Variants in RASGRF2 observed in about 807,000 individuals in gnomAD.
RASGRF2 encodes the protein Ras protein specific guanine nucleotide releasing factor 2.
Under a neutral mutation model 151.0 loss-of-function variants are expected in RASGRF2, and 76 were observed. The ratio of observed to expected loss-of-function variants is 0.50; its 90% CI spans 0.42 to 0.61. RASGRF2 has a LOEUF of 0.61. Among genes scored for constraint, RASGRF2 ranks in the 20% least tolerant of loss-of-function variants. The pLI, the probability that RASGRF2 is intolerant of heterozygous loss-of-function variation, is 0.00. For missense variants in RASGRF2, 1,148 were observed against 1,564.6 expected, an observed-to-expected ratio of 0.73 and a Z score of 4.49; for synonymous variants, 504 against 566.5, an observed-to-expected ratio of 0.89 and a Z score of 1.57.
chr5:81,207,261 G>C lies in RASGRF2; in HGVS notation c.2983G>C (p.Ala995Pro), dbSNP rs1363537603. ...TCTCTTGCAGACTGACTGCATGAAG[G>C]CCGAATGCTTTGAGTCCTTGTCGGC... ...DIIQMTDCMK[A>P]ECFESLSAME... The change falls in exon 21 of 27, where the codon GCC becomes CCC. Residue 995 changes from alanine (A) to proline (P), a missense_variant. By Grantham distance (27) the Ala-to-Pro change is conservative (BLOSUM62 -1). Around this residue, in one of 5 missense-constraint regions of RASGRF2, gnomAD observed 646 missense variants for 807.4 expected, o/e 0.80. Coordinates refer to ENST00000265080, the MANE Select transcript of RASGRF2 (RefSeq NM_006909.3). The C allele has an allele frequency of 6.2e-7, 1 of 1,613,986 alleles. No homozygotes were observed. The highest frequency in any genetic ancestry group is 8.5e-7 in the Non-Finnish European group (1 of 1,180,020).
intron 17 of RASGRF2, among the ~76,000 whole-genome samples, chr5:81,132,154 T>C (rs1290096942): frequency 6.6e-6 from 1 of 152,212 alleles, no homozygotes; most frequent in Non-Finnish European, 1.5e-5. Flanking sequence ...AAATGTAAGA[T>C]CGACGAGGGC....
chr5:81,174,726 T>C (rs769799212), intron 17 of RASGRF2, among the ~76,000 whole-genome samples: 28 of 152,218 alleles, frequency 1.8e-4, no homozygotes, highest in Middle Eastern at 3.2e-3. Context: ...CTGGTCCACA[T>C]AATTGTCACA....
At chr5:81,225,597 G>A in intron 26 of RASGRF2, 81 bp from the exon 27 acceptor site, 1 of 1,481,678 alleles carries the variant, frequency 6.7e-7, no homozygotes, top group Non-Finnish European at 9.0e-7. Context: ...AGAAAATGTT[G>A]AATTGTGTTA....
chr5:81,021,700 G>T (rs147630052), intron 1 of RASGRF2, among the ~76,000 whole-genome samples: 2 of 152,240 alleles, frequency 1.3e-5, no homozygotes, highest in East Asian at 3.9e-4. Flanking sequence ...GTAATATGTG[G>T]TTCTATAACC....
chr5:81,006,258 G>T (rs1377849344), intron 1 of RASGRF2, among the ~76,000 whole-genome samples: 1 of 152,080 alleles, frequency 6.6e-6, no homozygotes, highest in Non-Finnish European at 1.5e-5. Context: ...TGTTTATTGG[G>T]CTGTAGTCAT....
intron 17 of RASGRF2, among the ~76,000 whole-genome samples, chr5:81,140,892 G>A (rs1753869161): frequency 6.6e-6 from 1 of 152,132 alleles, no homozygotes; most frequent in African/African-American, 2.4e-5. Context: ...GGGATGGAGA[G>A]GTGCTGCCAT....
rs575697359 is a variant in RASGRF2, at chr5:81,129,435, A to G, written c.2686+2272A>G. On this transcript the variant is annotated intron_variant, in intron 17 of 26. Coordinates refer to ENST00000265080, the MANE Select transcript of RASGRF2 (RefSeq NM_006909.3). ...CATTAACTACCATAGTACTTTATAT[A>G]TTATTTATCATTATATATATTTCTC... is the stretch of plus-strand genomic sequence containing the variant. Among the ~76,000 whole-genome samples, 22 of 152,240 alleles carry G rather than the reference A, an allele frequency of 1.4e-4. No individual in the cohort carries two copies. In the South Asian group the frequency reaches 4.6e-3, roughly 32 times the overall value.
chr5:81,085,911 G>C lies in RASGRF2; in HGVS notation c.1271G>C (p.Arg424Thr). 3.1e-6 allele frequency: 5 copies of C among 1,614,058 alleles called. No individual in the cohort carries two copies. Among genetic ancestry groups the C allele is most frequent in the Non-Finnish European group, 4.2e-6 (5 of 1,179,970 alleles). ...FAKSKLEELS[R>T]VMHDEVSDTE... ...AAATCAAAGCTAGAGGAACTATCCA[G>C]GTATGCCAAGAACTTATAACAAAGG... Residue 424 changes from arginine (R) to threonine (T), a missense_variant and splice_region_variant, in exon 8 of 27, where the codon AGA (arginine) becomes ACA (threonine). Physicochemically the swap from Arg to Thr is moderately conservative, Grantham distance 71. Coordinates refer to ENST00000265080, the MANE Select transcript of RASGRF2 (RefSeq NM_006909.3).
intron 1 of RASGRF2, among the ~76,000 whole-genome samples, chr5:81,019,215 G>A (rs944855497): frequency 3.3e-5 from 5 of 151,140 alleles, no homozygotes; most frequent in African/African-American, 7.3e-5. Context: ...CCACTCAATA[G>A]CATTATTCAA....
intron 12 of RASGRF2, among the ~76,000 whole-genome samples, chr5:81,102,819 G>A (rs1055986605): frequency 6.6e-6 from 1 of 152,018 alleles, no homozygotes; most frequent in Non-Finnish European, 1.5e-5. Flanking sequence ...GAAATCCCAA[G>A]CATGCTTGCA....
At chr5:81,022,929 A>G (rs750026815) in intron 1 of RASGRF2, among the ~76,000 whole-genome samples, 2 of 152,192 alleles carry the variant, frequency 1.3e-5, no homozygotes, top group Non-Finnish European at 2.9e-5. Context: ...AAAGAGTCCT[A>G]GGACAGGGCA....
At chr5:80,993,766 G>T (rs1244411155) in intron 1 of RASGRF2, among the ~76,000 whole-genome samples, 1 of 152,152 alleles carries the variant, frequency 6.6e-6, no homozygotes, top group East Asian at 1.9e-4. Context: ...ATAGAGGGTT[G>T]CAACCAATCG....
intron 26 of RASGRF2, chr5:81,223,545 A>G (rs180743705): frequency 0.032 from 4,862 of 152,312 alleles, 97 homozygotes; most frequent in South Asian, 0.065. Flanking sequence ...GGAGGCTGAG[A>G]CAGGAGGATG....
chr5:81,061,873 G>A (rs923992300), intron 2 of RASGRF2, among the ~76,000 whole-genome samples: 1 of 151,722 alleles, frequency 6.6e-6, no homozygotes, highest in African/African-American at 2.4e-5. Context: ...TTATTTTGTA[G>A]AGATGGGGTT....
At chr5:81,025,972 T>C (rs540276638) in intron 1 of RASGRF2, among the ~76,000 whole-genome samples, 2 of 149,974 alleles carry the variant, frequency 1.3e-5, no homozygotes, top group East Asian at 4.0e-4. Context: ...CCCTCCTTCC[T>C]TCCCTCTTCC....
At chr5:81,053,705 T>A (rs370858445) in intron 2 of RASGRF2, among the ~76,000 whole-genome samples, 23 of 152,194 alleles carry the variant, frequency 1.5e-4, no homozygotes, top group Admixed American at 1.5e-3. Context: ...CGCCACACTG[T>A]CTTCCACAAT....
chr5:81,192,563 T>G (rs1314992557), intron 18 of RASGRF2, among the ~76,000 whole-genome samples: 1 of 152,230 alleles, frequency 6.6e-6, no homozygotes, highest in Non-Finnish European at 1.5e-5. Flanking sequence ...CCAGCGGTGG[T>G]GGCCGGTGAG....
rs1248960740 is a variant in RASGRF2, at chr5:81,227,767, G to C, written c.*1997G>C. ...AGAGGACCACACACATACTAGTTTC[G>C]GGCCAAACAACACGTGGAAAGGTGC... On this transcript the variant is annotated 3_prime_UTR_variant, in exon 27 of 27. Coordinates refer to ENST00000265080, the MANE Select transcript of RASGRF2 (RefSeq NM_006909.3). 6.6e-6 allele frequency: 1 copy of C among 152,118 alleles called. No individual in the cohort carries two copies. Among genetic ancestry groups the C allele is most frequent in the Non-Finnish European group, 1.5e-5 (1 of 68,032 alleles). The allele number at this position is 152,118 out of a possible 1,614,324, so 9.4% of individuals were successfully genotyped here.
At chr5:81,149,894 C>A (rs538288341) in intron 17 of RASGRF2, among the ~76,000 whole-genome samples, 1 of 152,118 alleles carries the variant, frequency 6.6e-6, no homozygotes, top group African/African-American at 2.4e-5. Flanking sequence ...AGAAAGAGTT[C>A]GCTTGGGATC....
Sources: gnomAD v4.1 joint callset for allele counts (sites outside exome capture counted in the v4.1 genomes callset) on GRCh38, gnomAD v4.1.1 for gene constraint, gnomAD v4.1.1 regional missense constraint, MANE v1.5 for transcripts, NCBI Gene and HGNC (gene_info 2026-07-23, HGNC 2026-07-21) for gene names.